Variants in SLC67A1 observed in about 807,000 individuals in gnomAD.
SLC67A1 encodes the protein solute carrier family 67 member A1.
the SLC67A1 span, among the ~76,000 whole-genome samples, chr11:2,901,890 G>C: frequency 6.6e-6 from 1 of 152,094 alleles, no homozygotes; most frequent in Non-Finnish European, 1.5e-5. Flanking sequence ...CCATTCCTCC[G>C]CTTTTCTCTC....
chr11:2,903,779 T>C, the SLC67A1 span: 71 of 437,344 alleles, frequency 1.6e-4, no homozygotes, highest in African/African-American at 1.4e-3. Context: ...CTAGCGCTGT[T>C]CCTCCTGCCT....
chr11:2,919,230 C>T, the SLC67A1 span: 1 of 1,033,066 alleles, frequency 9.7e-7, no homozygotes, highest in Non-Finnish European at 1.5e-6. Flanking sequence ...ATTGGCCAGG[C>T]TGCTGAGGCG....
the SLC67A1 span, chr11:2,918,953 C>G: frequency 1.0e-4 from 25 of 245,538 alleles, no homozygotes; most frequent in Admixed American, 4.6e-4. Flanking sequence ...CTTCGGCCTC[C>G]CAAAGTGCTG....
the SLC67A1 span, among the ~76,000 whole-genome samples, chr11:2,905,630 T>TA: frequency 6.6e-6 from 1 of 152,148 alleles, no homozygotes; most frequent in Non-Finnish European, 1.5e-5. Flanking sequence ...AGTGCCGCGA[T>TA]AAAAATACGT....
At chr11:2,917,181 A>C in the SLC67A1 span, among the ~76,000 whole-genome samples, 29 of 152,304 alleles carry the variant, frequency 1.9e-4, no homozygotes, top group Middle Eastern at 3.4e-3. Context: ...GAGGATGGTC[A>C]GGCTGGTCCC....
the SLC67A1 span, chr11:2,916,751 C>T: frequency 6.2e-7 from 1 of 1,605,238 alleles, no homozygotes; most frequent in Middle Eastern, 1.7e-4. Context: ...GTAAGCCCCG[C>T]CAGGTACACC....
the SLC67A1 span, chr11:2,915,193 C>T: frequency 1.8e-5 from 18 of 985,232 alleles, no homozygotes; most frequent in Non-Finnish European, 2.2e-5. Context: ...TCAGAGGTGG[C>T]CCCACTGACT....
chr11:2,903,664 A>C, the SLC67A1 span: 3 of 678,728 alleles, frequency 4.4e-6, no homozygotes, highest in South Asian at 3.7e-5. Flanking sequence ...CTGCCTCTGG[A>C]CCCCCGTCAG....
chr11:2,924,254 C>G, the SLC67A1 span, among the ~76,000 whole-genome samples: 2 of 152,290 alleles, frequency 1.3e-5, no homozygotes, highest in African/African-American at 4.8e-5. This position sits in a 1 kb window ranked among gnomAD's most constrained non-coding sequence, Gnocchi z 8.6. Flanking sequence ...GTCTGGGGAG[C>G]CTCGGAAGCC....
chr11:2,903,411 G>C, the SLC67A1 span: 3 of 1,613,032 alleles, frequency 1.9e-6, no homozygotes, highest in African/African-American at 4.0e-5. Context: ...CTCTAGGCCG[G>C]TCCTCGGTCA....
the SLC67A1 span, chr11:2,919,475 T>A: frequency 8.6e-7 from 1 of 1,161,592 alleles, no homozygotes; most frequent in Non-Finnish European, 1.3e-6. Context: ...CCTCTGAGAG[T>A]AGAGGCTCCT....
the SLC67A1 span, among the ~76,000 whole-genome samples, chr11:2,902,005 G>A: frequency 6.6e-6 from 1 of 152,232 alleles, no homozygotes; most frequent in South Asian, 2.1e-4. Context: ...GGTGCTGCCT[G>A]AGGGTCAGAG....
chr11:2,916,609 C>A, the SLC67A1 span: 14 of 1,604,092 alleles, frequency 8.7e-6, no homozygotes, highest in Non-Finnish European at 1.2e-5. Flanking sequence ...GCAGCCGAGG[C>A]TGTTGCCCGC....
At chr11:2,921,551 C>A in the SLC67A1 span, 1 of 165,304 alleles carries the variant, frequency 6.0e-6, no homozygotes. Flanking sequence ...AGCCTGCGGC[C>A]AAGCCTGTCC....
chr11:2,903,680 C>G, the SLC67A1 span: 4 of 636,154 alleles, frequency 6.3e-6, no homozygotes, highest in Non-Finnish European at 1.1e-5. Context: ...GTCAGCACAT[C>G]CTGTGCTCCA....
the SLC67A1 span, chr11:2,909,807 C>G: frequency 7.7e-7 from 1 of 1,306,746 alleles, no homozygotes; most frequent in Non-Finnish European, 1.0e-6. Context: ...TCCTCTTTTG[C>G]TCGTGGGGCG....
the SLC67A1 span, chr11:2,922,305 C>T: frequency 6.7e-7 from 1 of 1,500,126 alleles, no homozygotes; most frequent in Non-Finnish European, 9.2e-7. Context: ...CTCCTCCAGC[C>T]CCCCACACCC....
the SLC67A1 span, chr11:2,925,030 G>A: frequency 1.4e-5 from 23 of 1,612,448 alleles, no homozygotes; most frequent in East Asian, 1.1e-4. The surrounding 1 kb of genome is among the most constrained non-coding windows in gnomAD (Gnocchi z 6.5). Flanking sequence ...GGGCCTCTGC[G>A]CCTCTGTACA....
chr11:2,901,684 TG>T, the SLC67A1 span, among the ~76,000 whole-genome samples: 1 of 152,116 alleles, frequency 6.6e-6, no homozygotes, highest in Non-Finnish European at 1.5e-5. Flanking sequence ...GGTGGGGAAG[TG>T]GCAGGCAGGG....
Sources: gnomAD v4.1 joint callset for allele counts (sites outside exome capture counted in the v4.1 genomes callset) on GRCh38, gnomAD v4.1.1 for gene constraint, Gnocchi (gnomAD v3.1) non-coding constraint, MANE v1.5 for transcripts, NCBI Gene and HGNC (gene_info 2026-07-23, HGNC 2026-07-21) for gene names.